The following DPYD variants were observed in gnomAD, a reference collection of about 807,000 sequenced individuals.
The protein encoded by DPYD is dihydropyrimidine dehydrogenase [NADP(+)].
DPYD carries 109 observed loss-of-function variants against 116.2 expected under a neutral mutation model. That is an observed-to-expected ratio of 0.94 (90% CI 0.80 to 1.10). The LOEUF is 1.10. Among genes scored for constraint, DPYD ranks in the 50% least tolerant of loss-of-function variants. DPYD has a pLI of 0.00. For synonymous variants in DPYD, 440 were observed against 432.0 expected (o/e 1.02, Z -0.23); for missense variants, 1,302 against 1,254.5 (o/e 1.04, Z -0.57).
At chr1:97,577,991 AC>A (rs1653386597) in intron 10 of DPYD, among the ~76,000 whole-genome samples, 1 of 151,728 alleles carries the variant, frequency 6.6e-6, no homozygotes, top group African/African-American at 2.4e-5. Flanking sequence ...AATTACAGGC[AC>A]CCGCCACCAT....
At chr1:97,601,781 G>A (rs961639636) in intron 8 of DPYD, among the ~76,000 whole-genome samples, 4 of 151,862 alleles carry the variant, frequency 2.6e-5, no homozygotes, top group South Asian at 2.1e-4. Context: ...TTTTCTTCCC[G>A]ATGTGCTGCT....
intron 13 of DPYD, among the ~76,000 whole-genome samples, chr1:97,469,809 T>C (rs1279013501): frequency 6.6e-6 from 1 of 152,164 alleles, no homozygotes; most frequent in African/African-American, 2.4e-5. Context: ...TGTGAAAGAT[T>C]CCAGGTATCT....
At chr1:97,489,155 C>T (rs1467562432) in intron 13 of DPYD, among the ~76,000 whole-genome samples, 1 of 152,182 alleles carries the variant, frequency 6.6e-6, no homozygotes, top group Non-Finnish European at 1.5e-5. Context: ...TTTACACTCA[C>T]TGATATCAGG....
intron 3 of DPYD, among the ~76,000 whole-genome samples, chr1:97,741,055 C>A (rs556645385): frequency 6.6e-6 from 1 of 152,034 alleles, no homozygotes; most frequent in Non-Finnish European, 1.5e-5. Context: ...AGATCCATAC[C>A]CTTCAGGACC....
intron 10 of DPYD, among the ~76,000 whole-genome samples, chr1:97,592,694 C>G (rs1208705663): frequency 3.3e-5 from 5 of 152,180 alleles, no homozygotes; most frequent in Non-Finnish European, 7.3e-5. Flanking sequence ...TGCTAACTAA[C>G]TACTAATTTT....
At chr1:97,547,073 G>C in intron 12 of DPYD, 1 of 974,842 alleles carries the variant, frequency 1.0e-6, no homozygotes, top group Non-Finnish European at 1.6e-6. Flanking sequence ...GGGAGGTGTA[G>C]TTTTTTTACT....
chr1:97,599,430 A>T (rs983408570), intron 8 of DPYD, among the ~76,000 whole-genome samples: 2 of 152,168 alleles, frequency 1.3e-5, no homozygotes, highest in South Asian at 4.1e-4. Context: ...TAAGAGAAAA[A>T]AAAAAGCTTT....
intron 12 of DPYD, among the ~76,000 whole-genome samples, chr1:97,542,363 G>T (rs1650509162): frequency 1.3e-5 from 2 of 152,188 alleles, no homozygotes; most frequent in South Asian, 2.1e-4. Flanking sequence ...AACAACAAAA[G>T]GTTTTATTGT....
intron 18 of DPYD, among the ~76,000 whole-genome samples, chr1:97,288,012 C>A (rs6676624): frequency 1.3e-5 from 2 of 148,902 alleles, no homozygotes; most frequent in African/African-American, 2.5e-5. Context: ...AAATGGAAAA[C>A]AAAAAAAGGC....
chr1:97,508,088 A>G (rs2101951924), intron 13 of DPYD, among the ~76,000 whole-genome samples: 1 of 152,142 alleles, frequency 6.6e-6, no homozygotes, highest in African/African-American at 2.4e-5. Context: ...AGCAAGAAAG[A>G]CAATATCTCT....
At chr1:97,467,256 C>A (rs1312628954) in intron 13 of DPYD, among the ~76,000 whole-genome samples, 2 of 152,186 alleles carry the variant, frequency 1.3e-5, no homozygotes, top group South Asian at 2.1e-4. Context: ...CTTTGTTCTG[C>A]ATTTCTTTCT....
At chr1:97,608,755 A>G (rs1216172439) in intron 8 of DPYD, among the ~76,000 whole-genome samples, 1 of 151,756 alleles carries the variant, frequency 6.6e-6, no homozygotes, top group Non-Finnish European at 1.5e-5. Context: ...TGCATTTAAT[A>G]TAAATTTAAT....
chr1:97,459,524 C>T (rs934830856), intron 13 of DPYD, among the ~76,000 whole-genome samples: 36 of 151,906 alleles, frequency 2.4e-4, no homozygotes, highest in African/African-American at 7.2e-4. Flanking sequence ...AAAAAATAAC[C>T]AGAGGAAAAA....
chr1:97,805,261 A>G (rs1265446596), intron 3 of DPYD, among the ~76,000 whole-genome samples: 1 of 151,892 alleles, frequency 6.6e-6, no homozygotes, highest in Non-Finnish European at 1.5e-5. Flanking sequence ...AGGGCAGAGA[A>G]CACAGACTTG....
chr1:97,319,233 GA>G (rs1668073688), intron 16 of DPYD, among the ~76,000 whole-genome samples: 1 of 149,944 alleles, frequency 6.7e-6, no homozygotes, highest in Non-Finnish European at 1.5e-5. Flanking sequence ...ACTAAAATCA[GA>G]GCACAACTGA....
chr1:97,507,227 AG>A (rs1376465545), intron 13 of DPYD, among the ~76,000 whole-genome samples: 2 of 152,028 alleles, frequency 1.3e-5, no homozygotes, highest in African/African-American at 4.8e-5. Context: ...GAACCTAGCT[AG>A]GTGATAAACT....
At chr1:97,579,678 T>C (rs1653505274) in intron 10 of DPYD, among the ~76,000 whole-genome samples, 1 of 152,376 alleles carries the variant, frequency 6.6e-6, no homozygotes, top group African/African-American at 2.4e-5. Flanking sequence ...TGGATATGAA[T>C]GCTTCTCCTC....
intron 2 of DPYD, among the ~76,000 whole-genome samples, chr1:97,858,033 T>A (rs1397796785): frequency 6.6e-6 from 1 of 151,662 alleles, no homozygotes; most frequent in African/African-American, 2.4e-5. Context: ...GGTTTGGGAG[T>A]TTTTCTGAAA....
At chr1:97,860,164 G>A (rs779776527) in intron 2 of DPYD, among the ~76,000 whole-genome samples, 2 of 151,892 alleles carry the variant, frequency 1.3e-5, no homozygotes, top group Non-Finnish European at 2.9e-5. Context: ...GCAGCATAAC[G>A]AAACCCTGTC....
Sources: gnomAD v4.1 joint callset for allele counts (sites outside exome capture counted in the v4.1 genomes callset) on GRCh38, gnomAD v4.1.1 for gene constraint, MANE v1.5 for transcripts, NCBI Gene and HGNC (gene_info 2026-07-23, HGNC 2026-07-21) for gene names.